CORO7: variants seen among roughly 807,000 people sequenced by gnomAD.
CORO7 encodes the protein coronin-7.
CORO7 carries 107 observed loss-of-function variants against 126.6 expected under a neutral mutation model. That is an observed-to-expected ratio of 0.85 (90% CI 0.72 to 0.99). The LOEUF is 0.99. CORO7 is among the 50% of genes least tolerant of loss of function. The pLI is 0.00. For synonymous variants in CORO7, 603 were observed against 536.8 expected (o/e 1.12, Z -1.70); for missense variants, 1,314 against 1,255.8 (o/e 1.05, Z -0.70).
At chr16:4,387,795 G>T in intron 9 of CORO7, 191 bp downstream of exon 9, 1 of 671,538 alleles carries the variant, frequency 1.5e-6, no homozygotes, top group Non-Finnish European at 2.5e-6. Flanking sequence ...CTGAGCACCT[G>T]CTGCTCGTGA....
Position 4,364,179 on chromosome 16 carries a change from C to T in CORO7, c.1275+97G>A, listed in dbSNP as rs1427061327. On this transcript the variant is annotated intron_variant, in intron 14 of 27. Transcript: ENST00000251166. The stretch of plus-strand genomic sequence containing the variant: ...CTAGCTTGGGTGACAGAGTGAGACA[C>T]TGTCTCAAAAAAAAAAAAAGGCCGT... 10 of 1,377,232 alleles carry T rather than the reference C, an allele frequency of 7.3e-6. No homozygotes were observed. In the African/African-American group the frequency reaches 1.3e-4, roughly 19 times the overall value. 85.3% of individuals were successfully genotyped at this position (1,377,232 alleles called of 1,614,324 possible).
intron 5 of CORO7, among the ~76,000 whole-genome samples, chr16:4,405,777 A>G (rs1157230936): frequency 6.6e-6 from 1 of 152,156 alleles, no homozygotes; most frequent in East Asian, 1.9e-4. Flanking sequence ...GCAGCCGTAC[A>G]TCACTCAACT....
intron 3 of CORO7, among the ~76,000 whole-genome samples, chr16:4,409,541 G>A (rs1567304782): frequency 6.6e-6 from 1 of 152,258 alleles, no homozygotes; most frequent in Admixed American, 6.5e-5. Flanking sequence ...GATGCAGCAG[G>A]TGGCACTGCA....
intron 6 of CORO7, among the ~76,000 whole-genome samples, chr16:4,401,699 TACAGGGGACA>T (rs1170783391): frequency 6.6e-6 from 1 of 151,730 alleles, no homozygotes; most frequent in Non-Finnish European, 1.5e-5. Flanking sequence ...CAAGGACAGA[TACAGGGGACA>T]GCAGGAGACA....
intron 6 of CORO7, among the ~76,000 whole-genome samples, chr16:4,401,984 G>A (rs890089268): frequency 1.3e-5 from 2 of 151,782 alleles, no homozygotes; most frequent in African/African-American, 4.8e-5. Context: ...TGTCGCCCAG[G>A]CTGGAGTGCA....
At chr16:4,400,983 C>A (rs1005883685) in intron 6 of CORO7, among the ~76,000 whole-genome samples, 5 of 152,052 alleles carry the variant, frequency 3.3e-5, no homozygotes, top group African/African-American at 1.2e-4. Flanking sequence ...CGAAAATAGT[C>A]CATCAACTAA....
rs372370728 is a variant in CORO7, at chr16:4,381,464, C to T, written c.785+6522G>A. 325 of 1,580,420 alleles carry T rather than the reference C, an allele frequency of 2.1e-4. 3 individuals are homozygous for T. The South Asian group carries it at 3.2e-3, about 16-fold the overall frequency. On this transcript the variant is annotated intron_variant, in intron 9 of 27. Coordinates refer to ENST00000251166, the MANE Select transcript of CORO7 (RefSeq NM_024535.5). ...ATCCTGGACACTGCCAACGTGGAGG[C>T]GCTGCGGCTGGCTGGTCTGGGGCTG...
At chr16:4,412,756 A>G (rs2056261849) in intron 2 of CORO7, 1 of 364,624 alleles carries the variant, frequency 2.7e-6, no homozygotes, top group African/African-American at 2.1e-5. Context: ...TACTTGAGAA[A>G]GAAGCCAACA....
chr16:4,408,147 A>G (rs1193574991), intron 4 of CORO7, 34 bp downstream of exon 4: 1 of 1,613,912 alleles, frequency 6.2e-7, no homozygotes, highest in Admixed American at 1.7e-5. Flanking sequence ...ACGGGCTGGG[A>G]CATAGAGCAG....
intron 7 of CORO7, among the ~76,000 whole-genome samples, chr16:4,390,097 G>A (rs1388585039): frequency 6.6e-6 from 1 of 152,172 alleles, no homozygotes; most frequent in African/African-American, 2.4e-5. Flanking sequence ...ACATCGGGGA[G>A]GTAGATGTAG....
chr16:4,367,568 C>T (rs2054386062), intron 9 of CORO7, among the ~76,000 whole-genome samples: 2 of 152,110 alleles, frequency 1.3e-5, no homozygotes, highest in South Asian at 4.1e-4. Flanking sequence ...GAAGGTTCAC[C>T]GAGGACACAC....
At chr16:4,364,482 G>C (rs2054283580) in intron 13 of CORO7, 69 bp from the exon 14 acceptor site, 1 of 1,477,644 alleles carries the variant, frequency 6.8e-7, no homozygotes, top group Non-Finnish European at 9.0e-7. Flanking sequence ...CCATGGGAGG[G>C]TCAACTGGGT....
rs373254304 is a variant in CORO7 at position 4,364,312 on chromosome 16, C to T, written c.1239G>A (p.Ala413=). The T allele has an allele frequency of 3.3e-5, 51 of 1,547,826 alleles. No individual in the cohort carries two copies. Among genetic ancestry groups the T allele is most frequent in the Non-Finnish European group, 4.2e-5 (48 of 1,150,886 alleles). Residue 413 remains alanine (A), a synonymous_variant, in exon 14 of 28, where the codon GCG becomes GCA. Coordinates refer to ENST00000251166, the MANE Select transcript of CORO7 (RefSeq NM_024535.5). ...CATCACCCACGGGTGTCTCCATCAC[C>T]GCAGGCTGGGCTGTGTCAGGGAGGG... ...AEPLPDTAQP[A]VMETPVGDAD...
At chr16:4,395,060 G>A (rs1267441191) in intron 7 of CORO7, among the ~76,000 whole-genome samples, 1 of 152,196 alleles carries the variant, frequency 6.6e-6, no homozygotes, top group East Asian at 1.9e-4. Flanking sequence ...GAGCCTGGGG[G>A]AAGCTTAGCT....
At chr16:4,364,134 C>T (rs576713450) in intron 14 of CORO7, 142 bp downstream of exon 14, 3 of 1,183,358 alleles carry the variant, frequency 2.5e-6, no homozygotes, top group East Asian at 6.3e-5. Context: ...TGCAGTGAGC[C>T]GAGGTTGCGC....
intron 9 of CORO7, among the ~76,000 whole-genome samples, chr16:4,370,291 G>A (rs933261901): frequency 3.1e-4 from 47 of 152,306 alleles, no homozygotes; most frequent in South Asian, 1.0e-3. Context: ...TTCTGGGGCC[G>A]GGCAGGAAAC....
At chr16:4,400,012 CA>C in intron 6 of CORO7, among the ~76,000 whole-genome samples, 1 of 152,258 alleles carries the variant, frequency 6.6e-6, no homozygotes, top group East Asian at 1.9e-4. Flanking sequence ...GTCCAACATA[CA>C]GACAATGAAA....
chr16:4,368,208 G>GTGGTGGT (rs2054407478), intron 9 of CORO7, among the ~76,000 whole-genome samples: 1 of 152,014 alleles, frequency 6.6e-6, no homozygotes, highest in Non-Finnish European at 1.5e-5. Context: ...TTGGCCAAGT[G>GTGGTGGT]TGGTGGTGTG....
intron 9 of CORO7, among the ~76,000 whole-genome samples, chr16:4,370,969 G>A (rs1345722357): frequency 1.3e-5 from 2 of 152,228 alleles, no homozygotes; most frequent in African/African-American, 4.8e-5. Flanking sequence ...GGAGGGGGAG[G>A]AGGGCAGAGT....
Sources: allele counts gnomAD v4.1 joint callset (sites outside exome capture counted in the v4.1 genomes callset), GRCh38; gene constraint gnomAD v4.1.1; transcripts MANE v1.5; gene names NCBI Gene and HGNC (gene_info 2026-07-23, HGNC 2026-07-21).